The following ZNF334 variants were observed in gnomAD, a reference collection of about 807,000 sequenced individuals.
The protein encoded by ZNF334 is zinc finger protein 334.
In ZNF334, 14 loss-of-function variants were observed where a neutral mutation model predicts 12.4. That is an observed-to-expected ratio of 1.13 (90% CI 0.74 to 1.76). The LOEUF is 1.76. Among genes scored for constraint, ZNF334 ranks in the 40% most tolerant of loss-of-function variants. The pLI, the probability that ZNF334 is intolerant of heterozygous loss-of-function variation, is 0.00. For synonymous variants in ZNF334, 273 were observed against 269.6 expected, an observed-to-expected ratio of 1.01 and a Z score of -0.12; for missense variants, 797 against 804.5, an observed-to-expected ratio of 0.99 and a Z score of 0.11.
the ZNF334 span, among the ~76,000 whole-genome samples, chr20:46,475,528 G>A: frequency 1.3e-5 from 2 of 151,916 alleles, no homozygotes; most frequent in African/African-American, 2.4e-5. Flanking sequence ...CACATTTGAC[G>A]AAGGGTTGGT....
At chr20:46,485,908 T>C in the ZNF334 span, among the ~76,000 whole-genome samples, 29,382 of 152,186 alleles carry the variant, frequency 0.19, 3,005 homozygotes, top group African/African-American at 0.25. Flanking sequence ...AAAATACTTC[T>C]TTTCTCTCCC....
chr20:46,510,979 G>C (rs1454649312), intron 2 of ZNF334, among the ~76,000 whole-genome samples: 1 of 151,770 alleles, frequency 6.6e-6, no homozygotes, highest in African/African-American at 2.4e-5. Context: ...ATACCTCAGA[G>C]CATAAAGACT....
chr20:46,480,395 T>G, the ZNF334 span, among the ~76,000 whole-genome samples: 8 of 152,256 alleles, frequency 5.3e-5, no homozygotes, highest in Middle Eastern at 3.4e-3. Context: ...GATGCTACTT[T>G]ACGCCGTCCC....
the ZNF334 span, chr20:46,492,005 T>C: frequency 1.3e-5 from 2 of 152,706 alleles, no homozygotes; most frequent in African/African-American, 4.8e-5. Context: ...ATGTAATCAA[T>C]GTGGAAAAGC....
downstream of ZNF334, among the ~76,000 whole-genome samples, chr20:46,496,115 A>G (rs2061018605): frequency 6.6e-6 from 1 of 152,174 alleles, no homozygotes; most frequent in Admixed American, 6.5e-5. Flanking sequence ...CATAAGTCAT[A>G]CTTCTGCCTA....
In ZNF334 at chr20:46,502,863, C is replaced by T; in HGVS notation, c.476G>A (p.Arg159Lys). ...VIVAKKSKENRKIPDGYSGFG... is the reference protein window; with the variant it reads ...VIVAKKSKENKKIPDGYSGFG... Reference sequence around the variant, plus strand: ...TCCACTGTATCCATCAGGAATCTTTCTGTTTTCTTTGCTTTTCTTTGCAAC... The same window carrying T: ...TCCACTGTATCCATCAGGAATCTTTTTGTTTTCTTTGCTTTTCTTTGCAAC... Residue 159 changes from arginine to lysine, a missense_variant, in exon 5 of 5, where the codon AGA (arginine) becomes AAA (lysine). By Grantham distance (26) the Arg-to-Lys change is conservative. Coordinates refer to ENST00000692313, the MANE Select transcript of ZNF334 (RefSeq NM_001353824.2). 1 of 1,613,648 alleles carries T rather than the reference C, an allele frequency of 6.2e-7. No homozygotes were observed. The highest frequency in any genetic ancestry group is 1.1e-5 in the South Asian group (1 of 90,998).
rs150156490 is a variant in ZNF334, at chr20:46,502,367, A to G, written c.972T>C (p.Asn324=). Residue 324 remains asparagine, a synonymous_variant, in exon 5 of 5, where the codon AAT becomes AAC. Transcript: ENST00000692313. The part of the protein sequence containing the change: ...IHGGEKSYEC[N]ECGKTFFRKS... Reference sequence around the variant, plus strand: ...TCCGAAAAAAGGTCTTTCCACATTCATTACACTCATAGGATTTCTCCCCTC... The same window carrying G: ...TCCGAAAAAAGGTCTTTCCACATTCGTTACACTCATAGGATTTCTCCCCTC... The G allele has an allele frequency of 5.3e-4, 859 of 1,614,082 alleles. No individual in the cohort carries two copies. Among genetic ancestry groups the G allele is most frequent in the Non-Finnish European group, 6.3e-4 (745 of 1,180,012 alleles).
downstream of ZNF334, among the ~76,000 whole-genome samples, chr20:46,496,449 C>A (rs2061026303): frequency 6.6e-6 from 1 of 152,180 alleles, no homozygotes; most frequent in African/African-American, 2.4e-5. Context: ...AGACTCTTTA[C>A]AAAAGTGTGG....
Position 46,501,646 on chromosome 20 carries a change from TTC to T in ZNF334, c.1691_1692del (p.Arg564AsnfsTer9). 1 of 1,614,198 alleles carries T rather than the reference TTC, an allele frequency of 6.2e-7. No individual in the cohort carries two copies. Among genetic ancestry groups the T allele is most frequent in the Non-Finnish European group, 8.5e-7 (1 of 1,180,012 alleles). On this transcript the variant is annotated frameshift_variant, in exon 5 of 5. Transcript: ENST00000692313. LOFTEE classifies it low-confidence loss of function (END_TRUNC). ...TCATAGGGTCTCTGTCCTGTGTGTGTTCTCTGATGGTGAGTCAGGGCTGACTT... is the reference window on the plus strand; with the variant it reads ...TCATAGGGTCTCTGTCCTGTGTGTGTTCTGATGGTGAGTCAGGGCTGACTT... The part of the protein sequence containing the change: ...CRKSALTHHQ[R>X]THTGQRPYEC...
intron 2 of ZNF334, chr20:46,506,402 G>T: frequency 2.0e-6 from 1 of 495,016 alleles, no homozygotes; most frequent in South Asian, 3.2e-5. Flanking sequence ...GAGGTAGGCT[G>T]ATCGCTGGAG....
chr20:46,509,532 G>A, intron 2 of ZNF334: 1 of 702,824 alleles, frequency 1.4e-6, no homozygotes, highest in Admixed American at 2.0e-5. Context: ...ACATCTCTGG[G>A]AGGACCACCA....
Position 46,502,311 on chromosome 20 carries a change from T to C in ZNF334, c.1028A>G (p.His343Arg). The C allele has an allele frequency of 1.2e-6, 2 of 1,614,194 alleles. No homozygotes were observed. The highest frequency in any genetic ancestry group is 1.7e-6 in the Non-Finnish European group (2 of 1,180,030). Residue 343 changes from histidine to arginine, a missense_variant, in exon 5 of 5, where the codon CAC (histidine) becomes CGC (arginine). By Grantham distance (29) the His-to-Arg change is conservative (BLOSUM62 0). Transcript: ENST00000692313. The stretch of plus-strand genomic sequence containing the variant: ...GCATTCGTAAGGCTTCTCCCCTGTG[T>C]GTGACCTGAAATGTTCAGCCAGGGC... ...KSALAEHFRS[H>R]TGEKPYECKE...
chr20:46,465,318 C>T, the ZNF334 span: 4 of 162,398 alleles, frequency 2.5e-5, no homozygotes, highest in African/African-American at 9.6e-5. Flanking sequence ...TAACTGATCC[C>T]ATGGTTAAGA....
the ZNF334 span, among the ~76,000 whole-genome samples, chr20:46,493,302 A>T: frequency 2.8e-3 from 426 of 152,308 alleles, no homozygotes; most frequent in Admixed American, 5.6e-3. Context: ...TGCAACCCTA[A>T]TTTAAGCGTA....
chr20:46,467,800 C>A, the ZNF334 span, among the ~76,000 whole-genome samples: 1 of 152,170 alleles, frequency 6.6e-6, no homozygotes, highest in African/African-American at 2.4e-5. Flanking sequence ...AAATACTTAA[C>A]ATTTTAATAA....
At chr20:46,496,401 T>C (rs1232533707), downstream of ZNF334, among the ~76,000 whole-genome samples, 3 of 152,152 alleles carry the variant, frequency 2.0e-5, no homozygotes, top group Non-Finnish European at 2.9e-5. Flanking sequence ...CATCAAGAAA[T>C]AGCTCATTTG....
In ZNF334 at chr20:46,501,604, T is replaced by G; in HGVS notation, c.1735A>C (p.Lys579Gln). Residue 579 changes from lysine to glutamine, a missense_variant, in exon 5 of 5, where the codon AAA (lysine) becomes CAA (glutamine). By Grantham distance (53) the Lys-to-Gln change is moderately conservative. Transcript: ENST00000692313. ...AAGGAGAACTTCTGACAGAAGGTTT[T>G]CCCACATTCATTACACTCATAGGGT... Reference protein sequence around the residue: ...QRPYECNECGKTFCQKFSFVE... With the variant: ...QRPYECNECGQTFCQKFSFVE... 1.2e-6 allele frequency: 2 copies of G among 1,614,218 alleles called. No individual in the cohort carries two copies. The highest frequency in any genetic ancestry group is 1.7e-6 in the Non-Finnish European group (2 of 1,180,022).
chr20:46,466,886 A>G, the ZNF334 span, among the ~76,000 whole-genome samples: 1 of 152,338 alleles, frequency 6.6e-6, no homozygotes, highest in East Asian at 1.9e-4. Flanking sequence ...GAAAATGTTA[A>G]TTCTCATAAC....
chr20:46,496,526 T>G (rs558792535), downstream of ZNF334, among the ~76,000 whole-genome samples: 9 of 152,314 alleles, frequency 5.9e-5, no homozygotes, highest in African/African-American at 2.2e-4. Flanking sequence ...AGGAGGGTGG[T>G]GCCTTTGAAA....
Sources: allele counts gnomAD v4.1 joint callset (sites outside exome capture counted in the v4.1 genomes callset), GRCh38; gene constraint gnomAD v4.1.1; transcripts MANE v1.5; gene names NCBI Gene and HGNC (gene_info 2026-07-23, HGNC 2026-07-21).